Variants in CEP120 observed in about 807,000 individuals in gnomAD.
The protein encoded by CEP120 is centrosomal protein 120.
Under a neutral mutation model 126.5 loss-of-function variants are expected in CEP120, and 113 were observed. The observed-to-expected ratio is 0.89, with a 90% confidence interval of 0.77 to 1.04. The LOEUF is 1.04. Among genes scored for constraint, CEP120 ranks in the 50% least tolerant of loss-of-function variants. CEP120 has a pLI of 0.00. For missense variants in CEP120, 1,230 were observed against 1,155.7 expected (o/e 1.06, Z -0.93); for synonymous variants, 400 against 394.3 (o/e 1.01, Z -0.17).
intron 4 of CEP120, among the ~76,000 whole-genome samples, chr5:123,410,548 G>C (rs1324500794): frequency 6.6e-6 from 1 of 152,190 alleles, no homozygotes; most frequent in Admixed American, 6.5e-5. Flanking sequence ...AAAGTCAACT[G>C]ATCTTTGACA....
At chr5:123,411,328 G>C (rs1774044734) in intron 4 of CEP120, among the ~76,000 whole-genome samples, 1 of 152,128 alleles carries the variant, frequency 6.6e-6, no homozygotes, top group Admixed American at 6.5e-5. Flanking sequence ...TGCAATCCTG[G>C]ATATTTACCC....
At chr5:123,404,117 A>G (rs1773479779) in intron 4 of CEP120, among the ~76,000 whole-genome samples, 1 of 152,170 alleles carries the variant, frequency 6.6e-6, no homozygotes, top group Non-Finnish European at 1.5e-5. Context: ...ATTCAGGTGC[A>G]TTAGGTAGTA....
chr5:123,375,063 G>A (rs1183717368), intron 16 of CEP120, among the ~76,000 whole-genome samples: 1 of 152,070 alleles, frequency 6.6e-6, no homozygotes, highest in Admixed American at 6.6e-5. Flanking sequence ...TATAATACAT[G>A]TAACATGGTC....
intron 18 of CEP120, among the ~76,000 whole-genome samples, chr5:123,353,859 T>A (rs1769377944): frequency 6.6e-6 from 1 of 152,040 alleles, no homozygotes; most frequent in South Asian, 2.1e-4. Context: ...GAATACTTGC[T>A]AAGGCGGGGT....
chr5:123,373,448 G>C (rs531553308), intron 16 of CEP120, among the ~76,000 whole-genome samples: 1 of 151,984 alleles, frequency 6.6e-6, no homozygotes, highest in Non-Finnish European at 1.5e-5. Flanking sequence ...AGTTGAGGAC[G>C]AACAATCAGG....
chr5:123,377,466 G>T lies in CEP120; in HGVS notation c.2266C>A (p.Arg756Ser). The T allele has an allele frequency of 6.2e-7, 1 of 1,610,642 alleles. No homozygotes were observed. Among genetic ancestry groups the T allele is most frequent in the South Asian group, 1.1e-5 (1 of 90,308 alleles). ...TGAATACAGTCCTCTTTGGCCCTACGGATAGAGTCCTGCAGTTCTTGCAGG... is the reference window on the plus strand; with the variant it reads ...TGAATACAGTCCTCTTTGGCCCTACTGATAGAGTCCTGCAGTTCTTGCAGG... Reference protein sequence around the residue: ...RNLQELQDSIRRAKEDCIHQV... With the variant: ...RNLQELQDSISRAKEDCIHQV... Residue 756 changes from arginine (R) to serine (S), a missense_variant, in exon 16 of 20, where the codon CGT becomes AGT. Transcript: ENST00000306467.
chr5:123,354,520 A>G (rs1769425627), intron 18 of CEP120, among the ~76,000 whole-genome samples: 1 of 151,880 alleles, frequency 6.6e-6, no homozygotes, highest in Admixed American at 6.6e-5. Flanking sequence ...AGATTTACCT[A>G]TTTCTCTTTT....
intron 5 of CEP120, among the ~76,000 whole-genome samples, chr5:123,396,965 C>T (rs1772833507): frequency 6.6e-6 from 1 of 152,260 alleles, no homozygotes; most frequent in South Asian, 2.1e-4. Flanking sequence ...AAGCATTACA[C>T]AGTAAGTAAT....
At chr5:123,356,890 T>G (rs1196537756) in intron 18 of CEP120, among the ~76,000 whole-genome samples, 2 of 152,154 alleles carry the variant, frequency 1.3e-5, no homozygotes, top group African/African-American at 2.4e-5. Flanking sequence ...TTAATTTCCA[T>G]TGTTCTTTAC....
In CEP120 at chr5:123,391,324, C is replaced by T. The variant is rs1263501318; in HGVS notation, c.824G>A (p.Cys275Tyr). The T allele has an allele frequency of 1.9e-6, 3 of 1,613,058 alleles. No homozygotes were observed. Among genetic ancestry groups the T allele is most frequent in the Non-Finnish European group, 1.7e-6 (2 of 1,179,014 alleles). ...TGTACTTCCAAGTGACTGGTCTCCA[C>T]AGCAGAGGTGAATCTAATATGAAAG... ...LQSKLQIHLC[C>Y]GDQSLGSTEI... The change falls in exon 7 of 20, where the codon TGT (cysteine) becomes TAT (tyrosine). Residue 275 changes from cysteine to tyrosine, a missense_variant. By Grantham distance (194) the Cys-to-Tyr change is radical. Coordinates refer to ENST00000306467, the MANE Select transcript of CEP120 (RefSeq NM_001375405.1).
At chr5:123,403,327 T>A (rs534496990) in intron 4 of CEP120, 1 of 455,906 alleles carries the variant, frequency 2.2e-6, no homozygotes, top group African/African-American at 2.0e-5. Flanking sequence ...AAGATGAGCT[T>A]GGAACATCTT....
At chr5:123,358,949 A>C (rs777038070) in intron 18 of CEP120, among the ~76,000 whole-genome samples, 3 of 152,130 alleles carry the variant, frequency 2.0e-5, no homozygotes, top group Non-Finnish European at 4.4e-5. Flanking sequence ...AACTCAAGTA[A>C]AGTTTTCTGA....
chr5:123,377,265 T>C (rs548541829), intron 16 of CEP120, 109 bp downstream of exon 16: 1 of 987,812 alleles, frequency 1.0e-6, no homozygotes, highest in African/African-American at 1.7e-5. Context: ...TGATTAATAG[T>C]CTAAATTACT....
chr5:123,382,714 T>A (rs765208351), intron 13 of CEP120, 23 bp downstream of exon 13: 2 of 1,598,630 alleles, frequency 1.3e-6, no homozygotes, highest in Non-Finnish European at 1.7e-6. Flanking sequence ...GCAGATTTTT[T>A]AAAGTAACAT....
chr5:123,400,648 T>C (rs1382936014), intron 4 of CEP120, among the ~76,000 whole-genome samples: 1 of 141,852 alleles, frequency 7.0e-6, no homozygotes, highest in Non-Finnish European at 1.5e-5. Flanking sequence ...TACATATACA[T>C]ATATATATGG....
chr5:123,351,453 T>C (rs907555595), intron 18 of CEP120, among the ~76,000 whole-genome samples: 6 of 152,146 alleles, frequency 3.9e-5, no homozygotes, highest in African/African-American at 1.4e-4. Context: ...TTATAAATAA[T>C]GGTGATGTGA....
intron 18 of CEP120, among the ~76,000 whole-genome samples, chr5:123,351,225 AACT>A (rs2126968637): frequency 6.6e-6 from 1 of 152,256 alleles, no homozygotes; most frequent in Non-Finnish European, 1.5e-5. Context: ...TCCCAACAAT[AACT>A]ACTACCCTAA....
intron 5 of CEP120, among the ~76,000 whole-genome samples, chr5:123,398,020 G>A (rs1483050344): frequency 6.6e-6 from 1 of 152,194 alleles, no homozygotes; most frequent in Non-Finnish European, 1.5e-5. Context: ...GGAGCTTGAG[G>A]CTACAGTGAG....
chr5:123,401,589 G>A (rs565285615), intron 4 of CEP120: 34 of 1,407,980 alleles, frequency 2.4e-5, no homozygotes, highest in South Asian at 2.1e-4. Context: ...TCCAGGGAGC[G>A]GCTGTTGTCC....
Sources: allele counts gnomAD v4.1 joint callset (sites outside exome capture counted in the v4.1 genomes callset), GRCh38; gene constraint gnomAD v4.1.1; transcripts MANE v1.5; gene names NCBI Gene and HGNC (gene_info 2026-07-23, HGNC 2026-07-21).